RNF19B: variants seen among roughly 807,000 people sequenced by gnomAD.
The protein encoded by RNF19B is ring finger protein 19B, also known as E3 ubiquitin-protein ligase RNF19B.
Under a neutral mutation model 65.5 loss-of-function variants are expected in RNF19B, and 23 were observed. The ratio of observed to expected loss-of-function variants is 0.35; its 90% CI spans 0.25 to 0.50. The LOEUF is 0.50. Ranked by LOEUF, RNF19B falls within the 20% of genes least tolerant of loss-of-function variation. The pLI is 0.98. For missense variants in RNF19B, 794 were observed against 980.0 expected (o/e 0.81, Z 2.53); for synonymous variants, 372 against 379.6 (o/e 0.98, Z 0.23).
Position 32,936,571 on chromosome 1 carries a change from C to T in RNF19B, c.*235G>A, listed in dbSNP as rs8040. 0.21 allele frequency: 91,725 copies of T among 437,820 alleles called. 10,781 individuals carry two copies. Among genetic ancestry groups the T allele is most frequent in the Middle Eastern group, 0.27 (446 of 1,650 alleles). 27.1% of individuals were successfully genotyped at this position (437,820 alleles called of 1,614,324 possible). A position where few individuals can be genotyped will look rare whatever the true frequency, so the allele number is the denominator to read the frequency against. ...CATGGATTGCTGCCATCAGTTTAAC[C>T]AATAAATTAAAACTAAAAAGAGGGA... On this transcript the variant is annotated 3_prime_UTR_variant, in exon 9 of 9. Transcript: ENST00000235150.
chr1:32,962,517 C>G (rs1642794949), intron 1 of RNF19B, among the ~76,000 whole-genome samples: 1 of 152,168 alleles, frequency 6.6e-6, no homozygotes, highest in Non-Finnish European at 1.5e-5. Context: ...ACACCCATTT[C>G]TAAACAAGTT....
At chr1:32,963,675 G>A (rs1642825416) in intron 1 of RNF19B, among the ~76,000 whole-genome samples, 1 of 149,396 alleles carries the variant, frequency 6.7e-6, no homozygotes, top group Admixed American at 6.7e-5. Context: ...CCGAGATCGC[G>A]CCATTGCACT....
Position 32,964,475 on chromosome 1 carries a change from C to G in RNF19B, c.211G>C (p.Ala71Pro), listed in dbSNP as rs1226206108. The change falls in exon 1 of 9, where the codon GCG becomes CCG. Residue 71 changes from alanine (A) to proline (P), a missense_variant. By Grantham distance (27) the Ala-to-Pro change is conservative (BLOSUM62 -1). Transcript: ENST00000235150. The surrounding 1 kb of genome is among the most constrained non-coding windows in gnomAD (Gnocchi z 6.5). The stretch of plus-strand genomic sequence containing the variant: ...GCCTCGGGCGGCGGGCCCTGGGCCG[C>G]GGCAGGGGCCGGGGCGGGCGGCGGC... ...AQPPPAPAPA[A>P]AQGPPPEALP... The G allele has an allele frequency of 2.1e-6, 2 of 950,780 alleles. No individual in the cohort carries two copies. The highest frequency in any genetic ancestry group is 2.5e-6 in the Non-Finnish European group (2 of 803,472). The allele number at this position is 950,780 out of a possible 1,614,324, so 58.9% of individuals were successfully genotyped here. A position where few individuals can be genotyped will look rare whatever the true frequency, so the allele number is the denominator to read the frequency against.
downstream of RNF19B, among the ~76,000 whole-genome samples, chr1:32,932,671 G>A (rs147585200): frequency 8.5e-5 from 13 of 152,272 alleles, no homozygotes; most frequent in East Asian, 2.3e-3. Flanking sequence ...AAAGCTGGCC[G>A]CAAGCACTGC....
chr1:32,944,745 G>A (rs529771335), intron 5 of RNF19B, among the ~76,000 whole-genome samples: 1 of 151,702 alleles, frequency 6.6e-6, no homozygotes, highest in African/African-American at 2.4e-5. Context: ...CTGGAGTGCA[G>A]TGGCACGATC....
intron 1 of RNF19B, among the ~76,000 whole-genome samples, chr1:32,956,325 C>T (rs530727894): frequency 7.9e-5 from 12 of 152,204 alleles, no homozygotes; most frequent in African/African-American, 2.6e-4. Flanking sequence ...TGCTGTGAGC[C>T]GAGATTGCAC....
chr1:32,939,923 T>C (rs1408755576), intron 7 of RNF19B, among the ~76,000 whole-genome samples: 1 of 152,180 alleles, frequency 6.6e-6, no homozygotes, highest in Non-Finnish European at 1.5e-5. Flanking sequence ...CAGCAGTGAA[T>C]ATGCCAGCAT....
At chr1:32,954,279 A>G (rs1642582392) in intron 1 of RNF19B, among the ~76,000 whole-genome samples, 1 of 151,556 alleles carries the variant, frequency 6.6e-6, no homozygotes, top group African/African-American at 2.4e-5. Flanking sequence ...TTGAGTGTGT[A>G]ATTTGGTGCC....
chr1:32,937,830 T>G (rs1199138415), intron 8 of RNF19B, among the ~76,000 whole-genome samples: 1 of 152,084 alleles, frequency 6.6e-6, no homozygotes, highest in East Asian at 1.9e-4. Context: ...GCCAATCTCT[T>G]TAAACATACA....
chr1:32,934,907 A>C (rs929550217), downstream of RNF19B, among the ~76,000 whole-genome samples: 1 of 151,906 alleles, frequency 6.6e-6, no homozygotes, highest in Non-Finnish European at 1.5e-5. Flanking sequence ...ATCTCGGCTC[A>C]CTGCAACATC....
downstream of RNF19B, among the ~76,000 whole-genome samples, chr1:32,932,556 G>A (rs1642040101): frequency 6.6e-6 from 1 of 152,168 alleles, no homozygotes; most frequent in Admixed American, 6.5e-5. Context: ...TACATTAGGT[G>A]AGCATAAATG....
chr1:32,934,341 G>C (rs1437791371), downstream of RNF19B, among the ~76,000 whole-genome samples: 1 of 152,140 alleles, frequency 6.6e-6, no homozygotes, highest in Non-Finnish European at 1.5e-5. Context: ...TTTTCCTCTG[G>C]GCCCAGGACT....
At chr1:32,955,022 C>T (rs1464631844) in intron 1 of RNF19B, among the ~76,000 whole-genome samples, 5 of 152,080 alleles carry the variant, frequency 3.3e-5, no homozygotes, top group African/African-American at 1.2e-4. Context: ...TATACTTAAC[C>T]TCTCTAGGCA....
Sources: allele counts gnomAD v4.1 joint callset (sites outside exome capture counted in the v4.1 genomes callset), GRCh38; gene constraint gnomAD v4.1.1; non-coding constraint Gnocchi (gnomAD v3.1); transcripts MANE v1.5; gene names NCBI Gene and HGNC (gene_info 2026-07-23, HGNC 2026-07-21).